ACAD11: variants seen among roughly 807,000 people sequenced by gnomAD.
ACAD11 encodes acyl-CoA dehydrogenase family member 11.
Under a neutral mutation model 102.2 loss-of-function variants are expected in ACAD11, and 83 were observed. The ratio of observed to expected loss-of-function variants is 0.81; its 90% CI spans 0.68 to 0.97. ACAD11 has a LOEUF of 0.97. Among genes scored for constraint, ACAD11 ranks in the 50% least tolerant of loss-of-function variants. The probability of loss-of-function intolerance (pLI) is 0.00; values close to 1 mark genes in which losing one functional copy is unlikely to be tolerated. For synonymous variants in ACAD11, 324 were observed against 319.8 expected (o/e 1.01, Z -0.14); for missense variants, 901 against 951.7 (o/e 0.95, Z 0.70).
chr3:132,621,843 G>C (rs1939618328), intron 9 of ACAD11, among the ~76,000 whole-genome samples: 1 of 151,938 alleles, frequency 6.6e-6, no homozygotes, highest in Non-Finnish European at 1.5e-5. Context: ...GCTGAGTGTG[G>C]TGGCACATGG....
intron 13 of ACAD11, among the ~76,000 whole-genome samples, chr3:132,581,473 C>T (rs1937596593): frequency 6.6e-6 from 1 of 151,682 alleles, no homozygotes; most frequent in Admixed American, 6.6e-5. Flanking sequence ...CAAAGTATGC[C>T]TAAAGGGTAA....
At position 132,603,332 on chromosome 3, in the gene ACAD11, A is replaced by G. The variant is rs749309232; in HGVS notation, c.1523-5T>C. Reference sequence around the variant, plus strand: ...CACTTGAAGCTACATCAGGTTCTATAAATAAACAAAAGCTGAATTTACAGG... The same window carrying G: ...CACTTGAAGCTACATCAGGTTCTATGAATAAACAAAAGCTGAATTTACAGG... On this transcript the variant is annotated splice_region_variant and splice_polypyrimidine_tract_variant and intron_variant, in intron 12 of 19. Coordinates refer to ENST00000264990, the MANE Select transcript of ACAD11 (RefSeq NM_032169.5). 1.9e-6 allele frequency: 3 copies of G among 1,612,854 alleles called. No individual in the cohort carries two copies. The highest frequency in any genetic ancestry group is 2.2e-5 in the South Asian group (2 of 91,044).
rs768529191 is a variant in ACAD11, at chr3:132,644,887, C to A, written c.159G>T (p.Lys53Asn). 2 of 1,596,980 alleles carry A rather than the reference C, an allele frequency of 1.3e-6. No individual in the cohort carries two copies. The highest frequency in any genetic ancestry group is 1.7e-6 in the Non-Finnish European group (2 of 1,171,458). ...TLTIAQYRAG[K>N]SNPTFYLQKG... ...TCTGGAGATAAAAGGTTGGATTGGA[C>A]TTTCCTGCTCTAGATAAAAGTAAAA... The change falls in exon 2 of 20, where the codon AAG becomes AAT. Residue 53 changes from lysine to asparagine, a missense_variant. Transcript: ENST00000264990.
intron 18 of ACAD11, among the ~76,000 whole-genome samples, chr3:132,560,640 C>T (rs948606193): frequency 1.1e-4 from 17 of 152,080 alleles, no homozygotes; most frequent in African/African-American, 3.4e-4. Context: ...TCCCTGGCCT[C>T]AAACAATTCT....
chr3:132,654,830 T>C (rs1399318338), intron 1 of ACAD11, among the ~76,000 whole-genome samples: 1 of 152,222 alleles, frequency 6.6e-6, no homozygotes, highest in Non-Finnish European at 1.5e-5. Flanking sequence ...CGTGAATTCC[T>C]AAGCATTTAA....
intron 5 of ACAD11, among the ~76,000 whole-genome samples, chr3:132,639,155 G>GA (rs2107879989): frequency 1.3e-5 from 2 of 152,214 alleles, no homozygotes; most frequent in African/African-American, 4.8e-5. Flanking sequence ...AAATGAACCA[G>GA]AAAAAACAGC....
intron 11 of ACAD11, among the ~76,000 whole-genome samples, chr3:132,612,673 G>A (rs1230503231): frequency 6.6e-6 from 1 of 152,010 alleles, no homozygotes; most frequent in African/African-American, 2.4e-5. Context: ...AAACCACAAT[G>A]AGATACCATC....
At chr3:132,622,480 T>C (rs777465325) in intron 9 of ACAD11, among the ~76,000 whole-genome samples, 5 of 152,202 alleles carry the variant, frequency 3.3e-5, no homozygotes, top group Non-Finnish European at 1.5e-5. Context: ...CATTTTCTAA[T>C]CTCTGACCAC....
Position 132,618,771 on chromosome 3 carries a change from TC to T in ACAD11, c.1276del (p.Glu426LysfsTer26), listed in dbSNP as rs766059756. 3 of 1,587,668 alleles carry T rather than the reference TC, an allele frequency of 1.9e-6. No individual in the cohort carries two copies. The African/African-American group carries it at 4.1e-5, about 22-fold the overall frequency. The part of the protein sequence containing the change: ...GKPLVIDKLK[E>X]MAKVEGLWNL... ...CCAGAGACCCTCGACTTTGGCCATT[TC>T]CTGTCAAGGTGATGAACATGCCAGA... is the stretch of plus-strand genomic sequence containing the variant. On this transcript the variant is annotated frameshift_variant and splice_region_variant, in exon 11 of 20. Coordinates refer to ENST00000264990, the MANE Select transcript of ACAD11 (RefSeq NM_032169.5). LOFTEE classifies it high-confidence loss of function.
chr3:132,615,266 G>A (rs1939359810), intron 11 of ACAD11, among the ~76,000 whole-genome samples: 1 of 152,196 alleles, frequency 6.6e-6, no homozygotes, highest in Non-Finnish European at 1.5e-5. Context: ...AGACAGTATG[G>A]TGATTCCTCA....
intron 4 of ACAD11, among the ~76,000 whole-genome samples, chr3:132,640,404 A>C (rs560969683): frequency 6.6e-6 from 1 of 152,110 alleles, no homozygotes; most frequent in East Asian, 1.9e-4. Context: ...TCATTTTAAT[A>C]CTCTTTCTTA....
At chr3:132,625,277 T>A (rs1167858844) in intron 9 of ACAD11, among the ~76,000 whole-genome samples, 1 of 152,210 alleles carries the variant, frequency 6.6e-6, no homozygotes, top group Non-Finnish European at 1.5e-5. Flanking sequence ...GCTTTCCAAA[T>A]CTAATTTCCA....
At chr3:132,585,066 T>G (rs181992022) in intron 13 of ACAD11, among the ~76,000 whole-genome samples, 1,880 of 152,176 alleles carry the variant, frequency 0.012, 25 homozygotes, top group African/African-American at 0.028. Flanking sequence ...AACAAAGCTG[T>G]AGGCATCACG....
intron 2 of ACAD11, among the ~76,000 whole-genome samples, chr3:132,643,751 G>A (rs1354697786): frequency 6.6e-6 from 1 of 151,994 alleles, no homozygotes; most frequent in African/African-American, 2.4e-5. Context: ...AGGGGGAGAG[G>A]GCAAAAGGGT....
At chr3:132,576,361 A>G (rs1417459497) in intron 16 of ACAD11, among the ~76,000 whole-genome samples, 1 of 152,172 alleles carries the variant, frequency 6.6e-6, no homozygotes, top group Non-Finnish European at 1.5e-5. Flanking sequence ...TGGTGAATGG[A>G]TGGGATGAAC....
In ACAD11 at chr3:132,637,048, A is replaced by G. The variant is rs1266856593; in HGVS notation, c.702+2444T>C. The stretch of plus-strand genomic sequence containing the variant: ...CTAGATAAAATCATGTGGCATAAAA[A>G]TGTCCCAGATCCAATTAACCTTACT... On this transcript the variant is annotated intron_variant, in intron 5 of 19. Transcript: ENST00000264990. Among the ~76,000 whole-genome samples the G allele has an allele frequency of 2.0e-5, 3 of 152,198 alleles. 1 individual carries two copies. The highest frequency in any genetic ancestry group is 4.8e-5 in the African/African-American group (2 of 41,452).
rs140298321 is a variant in ACAD11, at chr3:132,575,067, G to C, written c.2001+705C>G. Among the ~76,000 whole-genome samples the C allele has an allele frequency of 9.5e-3, 1,448 of 151,910 alleles. 24 individuals carry two copies. The highest frequency in any genetic ancestry group is 0.033 in the African/African-American group (1,366 of 41,396). ...TCACCATGTTGCCCAGGCTGGTCTT[G>C]AACTCCTGAGCTCAGGCAACCCACC... On this transcript the variant is annotated intron_variant, in intron 17 of 19. Transcript: ENST00000264990.
intron 1 of ACAD11, among the ~76,000 whole-genome samples, chr3:132,651,756 G>T (rs889855708): frequency 8.5e-5 from 13 of 152,220 alleles, no homozygotes; most frequent in Non-Finnish European, 2.9e-5. Flanking sequence ...AGAACTTTAA[G>T]ACTGTCCCAC....
chr3:132,603,391 T>C, intron 12 of ACAD11, 64 bp from the exon 13 acceptor site: 1 of 1,418,800 alleles, frequency 7.0e-7, no homozygotes, highest in Non-Finnish European at 9.9e-7. Context: ...TAGATAAGGA[T>C]ATGAAAACTT....
Sources: gnomAD v4.1 joint callset for allele counts (sites outside exome capture counted in the v4.1 genomes callset) on GRCh38, gnomAD v4.1.1 for gene constraint, MANE v1.5 for transcripts, NCBI Gene and HGNC (gene_info 2026-07-23, HGNC 2026-07-21) for gene names.